Variants in CGGBP1 observed in about 807,000 individuals in gnomAD.
CGGBP1 encodes CGG triplet repeat-binding protein 1.
Under a neutral mutation model 11.4 loss-of-function variants are expected in CGGBP1, and 4 were observed. That is an observed-to-expected ratio of 0.35 (90% CI 0.17 to 0.80). CGGBP1 has a LOEUF of 0.80. Among genes scored for constraint, CGGBP1 ranks in the 30% least tolerant of loss-of-function variants. The pLI is 0.52. For missense variants in CGGBP1, 135 were observed against 202.1 expected (o/e 0.67, Z 2.01); for synonymous variants, 76 against 74.1 (o/e 1.03, Z -0.13).
chr3:88,063,152 G>C (rs866886575), upstream of CGGBP1, among the ~76,000 whole-genome samples: 1 of 152,136 alleles, frequency 6.6e-6, no homozygotes, highest in South Asian at 2.1e-4. Context: ...CTGACATCTA[G>C]TGCATGGAGG....
chr3:88,135,440 C>T, intron 2 of CGGBP1: 1 of 293,068 alleles, frequency 3.4e-6, no homozygotes, highest in East Asian at 5.6e-5. Flanking sequence ...AACCTTTTTT[C>T]TTATAATTAA....
intron 2 of CGGBP1, among the ~76,000 whole-genome samples, chr3:88,074,674 G>C (rs1171912475): frequency 4.6e-5 from 7 of 152,126 alleles, no homozygotes; most frequent in African/African-American, 1.7e-4. Context: ...TTGAAGATCA[G>C]TAGGGCAAAC....
intron 1 of CGGBP1, among the ~76,000 whole-genome samples, chr3:88,148,666 G>C (rs1414801482): frequency 6.6e-6 from 1 of 152,114 alleles, no homozygotes; most frequent in Non-Finnish European, 1.5e-5. Flanking sequence ...ACAGGGTCTC[G>C]CTCTGTCACC....
chr3:88,120,497 T>C (rs1472460262), intron 2 of CGGBP1, among the ~76,000 whole-genome samples: 1 of 152,076 alleles, frequency 6.6e-6, no homozygotes, highest in Non-Finnish European at 1.5e-5. Flanking sequence ...AGAATGGTAA[T>C]TGTAGAAATG....
intron 2 of CGGBP1, among the ~76,000 whole-genome samples, chr3:88,125,235 CA>C (rs199953949): frequency 2.1e-5 from 3 of 146,318 alleles, no homozygotes; most frequent in Admixed American, 6.8e-5. Flanking sequence ...AACAAAAAAA[CA>C]AAAAAAAACC....
intron 2 of CGGBP1, among the ~76,000 whole-genome samples, chr3:88,134,366 G>A (rs1431518408): frequency 6.6e-6 from 1 of 151,828 alleles, no homozygotes; most frequent in Non-Finnish European, 1.5e-5. Context: ...ATGATGCTTT[G>A]TACACTTTTA....
At chr3:88,068,192 T>C (rs1307260169) in intron 2 of CGGBP1, among the ~76,000 whole-genome samples, 4 of 151,972 alleles carry the variant, frequency 2.6e-5, no homozygotes, top group Non-Finnish European at 5.9e-5. Flanking sequence ...AGAGTGACCA[T>C]TAGTATGTAC....
intron 2 of CGGBP1, among the ~76,000 whole-genome samples, chr3:88,067,081 T>G (rs919362116): frequency 6.6e-6 from 1 of 152,160 alleles, no homozygotes; most frequent in African/African-American, 2.4e-5. Flanking sequence ...AAAGACTCCA[T>G]CTAAACAGTA....
At chr3:88,102,180 T>C (rs1704466099) in intron 2 of CGGBP1, among the ~76,000 whole-genome samples, 2 of 152,142 alleles carry the variant, frequency 1.3e-5, no homozygotes. Flanking sequence ...TGTAGTTTTC[T>C]TCGTGTTTCT....
At chr3:88,139,504 A>G in intron 2 of CGGBP1, 3 of 1,613,534 alleles carry the variant, frequency 1.9e-6, no homozygotes, top group Non-Finnish European at 2.5e-6. Flanking sequence ...GATGATCAGG[A>G]AGTCACTGCT....
At chr3:88,118,830 A>G (rs541340261) in intron 2 of CGGBP1, among the ~76,000 whole-genome samples, 3 of 152,258 alleles carry the variant, frequency 2.0e-5, no homozygotes, top group South Asian at 2.1e-4. Flanking sequence ...CAAAACCACA[A>G]TGAGATACCA....
chr3:88,056,816 G>A (rs192575198), intron 3 of CGGBP1: 4 of 152,200 alleles, frequency 2.6e-5, no homozygotes, highest in East Asian at 1.9e-4. Context: ...GAAAAAGTAC[G>A]TATCTTCAAT....
chr3:88,118,904 T>C (rs1312434352), intron 2 of CGGBP1, among the ~76,000 whole-genome samples: 2 of 151,072 alleles, frequency 1.3e-5, no homozygotes, highest in African/African-American at 4.9e-5. Flanking sequence ...GGAGAGGATG[T>C]GGAGAAATAG....
At chr3:88,089,191 TA>T (rs11328694) in intron 2 of CGGBP1, among the ~76,000 whole-genome samples, 101,070 of 131,134 alleles carry the variant, frequency 0.77, 39,300 homozygotes, top group South Asian at 0.9. Flanking sequence ...GCTTACGTAT[TA>T]AAAAAAAAAA....
At chr3:88,106,525 G>C (rs531565715) in intron 2 of CGGBP1, among the ~76,000 whole-genome samples, 2 of 152,086 alleles carry the variant, frequency 1.3e-5, no homozygotes, top group South Asian at 4.2e-4. Flanking sequence ...TTTTTGTAGA[G>C]ACAAGGTTTC....
chr3:88,070,421 C>A (rs1157125845), intron 2 of CGGBP1, among the ~76,000 whole-genome samples: 1 of 151,448 alleles, frequency 6.6e-6, no homozygotes. Context: ...GTGAGCAGAT[C>A]CAAATTTCTT....
chr3:88,059,225 G>T (rs947103391), upstream of CGGBP1: 11 of 1,498,100 alleles, frequency 7.3e-6, no homozygotes, highest in South Asian at 2.5e-5. Flanking sequence ...AGGAGGGAAG[G>T]GGGAGGGAAC....
intron 2 of CGGBP1, among the ~76,000 whole-genome samples, chr3:88,083,376 GAT>G (rs1340773832): frequency 2.6e-5 from 4 of 152,142 alleles, no homozygotes; most frequent in African/African-American, 9.7e-5. Flanking sequence ...GGTTAATTAA[GAT>G]ATGACATTTT....
intron 2 of CGGBP1, among the ~76,000 whole-genome samples, chr3:88,096,557 T>C (rs1355077469): frequency 2.0e-5 from 3 of 152,166 alleles, no homozygotes; most frequent in Non-Finnish European, 2.9e-5. Context: ...TATTGAATTT[T>C]AGATTGGCAA....
Sources: gnomAD v4.1 joint callset for allele counts (sites outside exome capture counted in the v4.1 genomes callset) on GRCh38, gnomAD v4.1.1 for gene constraint, MANE v1.5 for transcripts, NCBI Gene and HGNC (gene_info 2026-07-23, HGNC 2026-07-21) for gene names.